Variants in EXTL3 observed in about 807,000 individuals in gnomAD.
The protein encoded by EXTL3 is exostosin like glycosyltransferase 3, also known as exostosin-like 3.
EXTL3 carries 27 observed loss-of-function variants against 69.3 expected under a neutral mutation model. That is an observed-to-expected ratio of 0.39 (90% CI 0.29 to 0.54). The LOEUF (loss-of-function observed/expected upper bound fraction) is 0.54. EXTL3 is among the 20% of genes least tolerant of loss of function. The pLI, the probability that EXTL3 is intolerant of heterozygous loss-of-function variation, is 0.69. For missense variants in EXTL3, 1,003 were observed against 1,231.8 expected, an observed-to-expected ratio of 0.81 and a Z score of 2.78; for synonymous variants, 511 against 499.4, an observed-to-expected ratio of 1.02 and a Z score of -0.31.
At chr8:28,661,600 C>G (rs1807116377) in intron 1 of EXTL3, among the ~76,000 whole-genome samples, 2 of 151,686 alleles carry the variant, frequency 1.3e-5, no homozygotes. Context: ...TATATGTAGG[C>G]CAGGTGAGGT....
Position 28,716,318 on chromosome 8 carries a change from G to C in EXTL3, c.259G>C (p.Glu87Gln). 6.2e-7 allele frequency: 1 copy of C among 1,614,210 alleles called. No individual in the cohort carries two copies. The highest frequency in any genetic ancestry group is 8.5e-7 in the Non-Finnish European group (1 of 1,180,048). The part of the protein sequence containing the change: ...KHVLDLCRIR[E>Q]SVSEELLQLE... ...CGTGCTGGATCTGTGCCGCATCCGG[G>C]AGTCGGTGAGTGAAGAGCTCCTGCA... The change falls in exon 3 of 7, where the codon GAG becomes CAG. Residue 87 changes from glutamate (E) to glutamine (Q), a missense_variant. Transcript: ENST00000220562. This position sits in a 1 kb window ranked among gnomAD's most constrained non-coding sequence, Gnocchi z 7.1.
At chr8:28,667,793 A>G (rs1228561296) in intron 1 of EXTL3, among the ~76,000 whole-genome samples, 2 of 151,926 alleles carry the variant, frequency 1.3e-5, no homozygotes, top group Non-Finnish European at 2.9e-5. Flanking sequence ...GCACACCAAC[A>G]TGGCACATGT....
intron 1 of EXTL3, among the ~76,000 whole-genome samples, chr8:28,639,466 TCC>T (rs1490705013): frequency 1.3e-5 from 2 of 152,208 alleles, no homozygotes; most frequent in East Asian, 3.9e-4. Context: ...TCTGGTCCCA[TCC>T]CTTCGATATA....
chr8:28,728,804 A>T (rs538998571), intron 3 of EXTL3, among the ~76,000 whole-genome samples: 23 of 152,142 alleles, frequency 1.5e-4, no homozygotes, highest in Non-Finnish European at 2.2e-4. Flanking sequence ...AAGAGGATCA[A>T]TCACTTGAGC....
intron 1 of EXTL3, among the ~76,000 whole-genome samples, chr8:28,702,159 C>A (rs1012124904): frequency 1.3e-5 from 2 of 152,176 alleles, no homozygotes; most frequent in African/African-American, 4.8e-5. Flanking sequence ...CTTCCCACAT[C>A]TGCCCCCCGC....
At chr8:28,627,038 T>A (rs979216825) in intron 1 of EXTL3, among the ~76,000 whole-genome samples, 1 of 151,476 alleles carries the variant, frequency 6.6e-6, no homozygotes, top group African/African-American at 2.4e-5. Flanking sequence ...AAAAATTAGC[T>A]GGGCGTGGTG....
At chr8:28,660,592 C>CAGTGG (rs1351253979) in intron 1 of EXTL3, among the ~76,000 whole-genome samples, 2 of 152,100 alleles carry the variant, frequency 1.3e-5, no homozygotes, top group Non-Finnish European at 2.9e-5. Context: ...GTGTACAGTT[C>CAGTGG]AGTGGTATTA....
chr8:28,681,868 A>T (rs1017881279), intron 1 of EXTL3, among the ~76,000 whole-genome samples: 1 of 152,174 alleles, frequency 6.6e-6, no homozygotes, highest in African/African-American at 2.4e-5. Flanking sequence ...AGCCTGACCA[A>T]CATGGAGAAA....
chr8:28,638,218 T>TG (rs1806686400), intron 1 of EXTL3, among the ~76,000 whole-genome samples: 2 of 152,210 alleles, frequency 1.3e-5, no homozygotes, highest in African/African-American at 4.8e-5. Context: ...ATGGTTTTGT[T>TG]GGTAGTGGTG....
chr8:28,657,205 A>G (rs1340954444), intron 1 of EXTL3, among the ~76,000 whole-genome samples: 1 of 152,142 alleles, frequency 6.6e-6, no homozygotes, highest in African/African-American at 2.4e-5. Flanking sequence ...GGCCTCCCAA[A>G]GTGCTGAAAT....
At chr8:28,692,061 T>C (rs978030053) in intron 1 of EXTL3, among the ~76,000 whole-genome samples, 4 of 152,246 alleles carry the variant, frequency 2.6e-5, no homozygotes, top group Non-Finnish European at 5.9e-5. Flanking sequence ...TAATATATTT[T>C]TTGAGTATTT....
intron 1 of EXTL3, among the ~76,000 whole-genome samples, chr8:28,644,289 G>A (rs891296657): frequency 1.3e-5 from 2 of 152,096 alleles, no homozygotes; most frequent in African/African-American, 2.4e-5. Context: ...CATTTAGGAC[G>A]TTTCAAGTTT....
chr8:28,727,935 T>C (rs2237813), intron 3 of EXTL3, among the ~76,000 whole-genome samples: 112,337 of 152,136 alleles, frequency 0.74, 42,421 homozygotes, highest in African/African-American at 0.9. Flanking sequence ...CTAATTGTGC[T>C]GTAGATAATC....
At position 28,733,676 on chromosome 8, in the gene EXTL3, C is replaced by G. The variant is rs529571861; in HGVS notation, c.2276+2326C>G. Among the ~76,000 whole-genome samples the G allele has an allele frequency of 5.9e-5, 9 of 151,664 alleles. No individual in the cohort carries two copies. The East Asian group carries it at 1.7e-3, about 29-fold the overall frequency. On this transcript the variant is annotated intron_variant, in intron 4 of 6. Coordinates refer to ENST00000220562, the MANE Select transcript of EXTL3 (RefSeq NM_001440.4). ...GGGATTACAGGCATGAGCCACAGCA[C>G]CCGGCCATACAGTTGTGATTTGCAT...
chr8:28,682,805 T>C (rs888442745), intron 1 of EXTL3, among the ~76,000 whole-genome samples: 3 of 152,150 alleles, frequency 2.0e-5, no homozygotes, highest in Non-Finnish European at 2.9e-5. Context: ...TTGCCTGTGT[T>C]TTAGGGTCAT....
intron 1 of EXTL3, among the ~76,000 whole-genome samples, chr8:28,694,952 C>T (rs943500098): frequency 6.6e-6 from 1 of 151,656 alleles, no homozygotes; most frequent in African/African-American, 2.4e-5. Flanking sequence ...GCAGAGGTTG[C>T]CAAAACTGAG....
chr8:28,742,731 C>CTT lies in EXTL3; in HGVS notation c.2422-341_2422-340dup, dbSNP rs1170200889. The CTT allele has an allele frequency of 4.7e-3, 1,219 of 259,972 alleles. 1 individual carries two copies. The highest frequency in any genetic ancestry group is 0.01 in the African/African-American group (409 of 40,208). 16.1% of individuals were successfully genotyped at this position (259,972 alleles called of 1,614,324 possible). On this transcript the variant is annotated intron_variant, in intron 5 of 6. Transcript: ENST00000220562. ...AACCAGGCTTTTTTCTCTCACTTAT[C>CTT]TTTTTTTTTTTTTTTGGCCATTGTT...
At chr8:28,666,419 G>C (rs1807197540) in intron 1 of EXTL3, among the ~76,000 whole-genome samples, 1 of 151,548 alleles carries the variant, frequency 6.6e-6, no homozygotes, top group African/African-American at 2.4e-5. Context: ...CTGGGACCAT[G>C]GGCGTGTACC....
At chr8:28,695,386 T>A (rs1800670921) in intron 1 of EXTL3, among the ~76,000 whole-genome samples, 1 of 152,068 alleles carries the variant, frequency 6.6e-6, no homozygotes, top group Admixed American at 6.5e-5. Context: ...CTCGGCCTCC[T>A]AAAGTGCTGG....
Sources: allele counts gnomAD v4.1 joint callset (sites outside exome capture counted in the v4.1 genomes callset), GRCh38; gene constraint gnomAD v4.1.1; non-coding constraint Gnocchi (gnomAD v3.1); transcripts MANE v1.5; gene names NCBI Gene and HGNC (gene_info 2026-07-23, HGNC 2026-07-21).